The following ZDBF2 variants were observed in gnomAD, a reference collection of about 807,000 sequenced individuals.
ZDBF2 encodes DBF4-type zinc finger-containing protein 2.
A neutral mutation model predicts 9.4 loss-of-function variants in ZDBF2; 6 were observed. The observed-to-expected ratio is 0.64, with a 90% CI of 0.35 to 1.27. The LOEUF (loss-of-function observed/expected upper bound fraction) is 1.27, where lower values mean the gene tolerates loss of function less well. ZDBF2 is among the 50% of genes most tolerant of loss of function. ZDBF2 has a pLI of 0.03. For synonymous variants in ZDBF2, 905 were observed against 946.3 expected, an observed-to-expected ratio of 0.96 and a Z score of 0.80; for missense variants, 2,697 against 2,766.8, an observed-to-expected ratio of 0.97 and a Z score of 0.57.
rs1693230914 is a variant in ZDBF2 at position 206,312,272 on chromosome 2, A to G, written c.*679A>G. 6.6e-6 allele frequency: 1 copy of G among 152,056 alleles called. No homozygotes were observed. The highest frequency in any genetic ancestry group is 6.6e-5 in the Admixed American group (1 of 15,256). 9.4% of individuals were successfully genotyped at this position (152,056 alleles called of 1,614,324 possible). On this transcript the variant is annotated 3_prime_UTR_variant, in exon 5 of 5. Transcript: ENST00000374423. ...AATAATTTTGCCCATGTGTTTAGGC[A>G]TTCCCCCCCTTTTTTTTAACCACCT...
At position 206,313,166 on chromosome 2, in the gene ZDBF2, A is replaced by G. The variant is rs1386142270; in HGVS notation, c.*1573A>G. Reference sequence around the variant, plus strand: ...GAACCATATCTTGATTTCAGAATTTAAAATGTGTTACCTTAGAAATAATGA... The same window carrying G: ...GAACCATATCTTGATTTCAGAATTTGAAATGTGTTACCTTAGAAATAATGA... On this transcript the variant is annotated 3_prime_UTR_variant, in exon 5 of 5. Coordinates refer to ENST00000374423, the MANE Select transcript of ZDBF2 (RefSeq NM_020923.3). 1 of 152,214 alleles carries G rather than the reference A, an allele frequency of 6.6e-6. No homozygotes were observed. The highest frequency in any genetic ancestry group is 1.5e-5 in the Non-Finnish European group (1 of 68,028). 9.4% of individuals were successfully genotyped at this position (152,214 alleles called of 1,614,324 possible). A position where few individuals can be genotyped will look rare whatever the true frequency, so the allele number is the denominator to read the frequency against.
At chr2:206,288,364 G>T (rs1166438538) in intron 3 of ZDBF2, among the ~76,000 whole-genome samples, 4 of 152,196 alleles carry the variant, frequency 2.6e-5, no homozygotes, top group African/African-American at 4.8e-5. Context: ...GCACTTCAGT[G>T]GCCTACACTG....
In ZDBF2 at chr2:206,307,957, A is replaced by G; in HGVS notation, c.3429A>G (p.Glu1143=). ...VAIKHVNLGN[E]NHMYLEVKNS... ...TTAAACATGTGAACCTTGGGAATGA[A>G]AACCATATGTACTTGGAAGTTAAGA... The change falls in exon 5 of 5, where the codon GAA becomes GAG. Residue 1143 remains glutamate, a synonymous_variant. Coordinates refer to ENST00000374423, the MANE Select transcript of ZDBF2 (RefSeq NM_020923.3). The G allele has an allele frequency of 1.9e-6, 3 of 1,613,756 alleles. No individual in the cohort carries two copies. Among genetic ancestry groups the G allele is most frequent in the Non-Finnish European group, 2.5e-6 (3 of 1,179,798 alleles).
At chr2:206,290,367 C>T (rs1396287535) in intron 3 of ZDBF2, among the ~76,000 whole-genome samples, 1 of 152,122 alleles carries the variant, frequency 6.6e-6, no homozygotes, top group Non-Finnish European at 1.5e-5. Context: ...ATTTAAAGAT[C>T]ACTTTGTTAG....
Position 206,311,138 on chromosome 2 carries a change from C to G in ZDBF2, c.6610C>G (p.Pro2204Ala). ...VYKPIILQQK[P>A]RKASEKQSIW... is the part of the protein sequence containing the mutation. Reference sequence around the variant, plus strand: ...TAAACCAATTATTCTCCAGCAAAAACCCAGAAAAGCTTCAGAGAAACAGTC... The same window carrying G: ...TAAACCAATTATTCTCCAGCAAAAAGCCAGAAAAGCTTCAGAGAAACAGTC... Residue 2204 changes from proline (P) to alanine (A), a missense_variant, in exon 5 of 5, where the codon CCC (proline) becomes GCC (alanine). Around this residue, in one of 3 missense-constraint regions of ZDBF2, gnomAD observed 1,783 missense variants for 1,776.5 expected, o/e 1.00. Coordinates refer to ENST00000374423, the MANE Select transcript of ZDBF2 (RefSeq NM_020923.3). 6.2e-7 allele frequency: 1 copy of G among 1,613,650 alleles called. No individual in the cohort carries two copies. Among genetic ancestry groups the G allele is most frequent in the East Asian group, 2.2e-5 (1 of 44,890 alleles).
At position 206,278,399 on chromosome 2, in the gene ZDBF2, G is replaced by A. The variant is rs73983007; in HGVS notation, c.-102-1141G>A. 4.3e-3 allele frequency among the ~76,000 whole-genome samples: 656 copies of A among 152,206 alleles called. 6 individuals carry two copies. The highest frequency in any genetic ancestry group is 0.014 in the African/African-American group (601 of 41,536). ...AGTAGTTAATAGTTATATCCCTTAC[G>A]CTTTGAAAAGCTCCTTTGAGTAGGA... On this transcript the variant is annotated intron_variant, in intron 1 of 4. Coordinates refer to ENST00000374423, the MANE Select transcript of ZDBF2 (RefSeq NM_020923.3).
At position 206,305,887 on chromosome 2, in the gene ZDBF2, T is replaced by G. The variant is rs773703835; in HGVS notation, c.1359T>G (p.Asp453Glu). The G allele has an allele frequency of 1.2e-6, 2 of 1,613,354 alleles. No individual in the cohort carries two copies. Among genetic ancestry groups the G allele is most frequent in the South Asian group, 2.2e-5 (2 of 91,004 alleles). The change falls in exon 5 of 5, where the codon GAT becomes GAG. Residue 453 changes from aspartate to glutamate, a missense_variant. By Grantham distance (45) the Asp-to-Glu change is conservative. Coordinates refer to ENST00000374423, the MANE Select transcript of ZDBF2 (RefSeq NM_020923.3). The stretch of plus-strand genomic sequence containing the variant: ...CTTATGTTTCTAAAATAAGTTCTGA[T>G]TGTGATGACATTCTTCACTTGGTTA... ...NKSYVSKISS[D>E]CDDILHLVTN...
chr2:206,304,808 G>C lies in ZDBF2; in HGVS notation c.280G>C (p.Glu94Gln), dbSNP rs777572023. Residue 94 changes from glutamate to glutamine, a missense_variant, in exon 5 of 5, where the codon GAG (glutamate) becomes CAG (glutamine). Physicochemically the swap from Glu to Gln is conservative, Grantham distance 29. Around this residue, in one of 3 missense-constraint regions of ZDBF2, gnomAD observed 910 missense variants for 973.6 expected, o/e 0.93. Coordinates refer to ENST00000374423, the MANE Select transcript of ZDBF2 (RefSeq NM_020923.3). The stretch of plus-strand genomic sequence containing the variant: ...TTTTTCTGAAGAAGAGGAAGAGGAT[G>C]AGGATAAGGTTGAGGATGAGGATGC... ...DAFSEEEEED[E>Q]DKVEDEDATE... is the part of the protein sequence containing the mutation. 7 of 1,613,754 alleles carry C rather than the reference G, an allele frequency of 4.3e-6. No individual in the cohort carries two copies. The highest frequency in any genetic ancestry group is 5.9e-6 in the Non-Finnish European group (7 of 1,179,776).
Position 206,274,792 on chromosome 2 carries a change from T to G in ZDBF2, c.-257T>G, listed in dbSNP as rs1324575645. 6.6e-6 allele frequency: 1 copy of G among 152,064 alleles called. No individual in the cohort carries two copies. Among genetic ancestry groups the G allele is most frequent in the Non-Finnish European group, 1.5e-5 (1 of 68,000 alleles). The allele number at this position is 152,064 out of a possible 1,614,324, so 9.4% of individuals were successfully genotyped here. A position where few individuals can be genotyped will look rare whatever the true frequency, so the allele number is the denominator to read the frequency against. On this transcript the variant is annotated 5_prime_UTR_variant, in exon 1 of 5. Transcript: ENST00000374423. ...CGCCTCCGGACCGCAGGGGCCGAAGTCGCCTATTTCTGGCTCCGCGGGCAG... is the reference window on the plus strand; with the variant it reads ...CGCCTCCGGACCGCAGGGGCCGAAGGCGCCTATTTCTGGCTCCGCGGGCAG...
At chr2:206,280,546 G>A (rs78326248) in intron 2 of ZDBF2, among the ~76,000 whole-genome samples, 1 of 152,298 alleles carries the variant, frequency 6.6e-6, no homozygotes, top group East Asian at 1.9e-4. Context: ...TTTTATTGCT[G>A]TAGGTTAATA....
Position 206,307,928 on chromosome 2 carries a change from G to A in ZDBF2, c.3400G>A (p.Ala1134Thr). 1 of 1,613,682 alleles carries A rather than the reference G, an allele frequency of 6.2e-7. No individual in the cohort carries two copies. The change falls in exon 5 of 5, where the codon GCT (alanine) becomes ACT (threonine). Residue 1134 changes from alanine to threonine, a missense_variant. Physicochemically the swap from Ala to Thr is moderately conservative, Grantham distance 58. Transcript: ENST00000374423. ...VQSVADQPKVAIKHVNLGNEN... is the reference protein window; with the variant it reads ...VQSVADQPKVTIKHVNLGNEN... ...ATCTGTGGCTGATCAACCCAAAGTA[G>A]CTATTAAACATGTGAACCTTGGGAA...
At chr2:206,289,226 G>A (rs1476821687) in intron 3 of ZDBF2, among the ~76,000 whole-genome samples, 1 of 152,112 alleles carries the variant, frequency 6.6e-6, no homozygotes, top group Non-Finnish European at 1.5e-5. Flanking sequence ...GGGCGGGGTT[G>A]GGGGACAGTG....
rs910331709 is a variant in ZDBF2, at chr2:206,310,932, T to C, written c.6404T>C (p.Leu2135Pro). Residue 2135 changes from leucine to proline, a missense_variant, in exon 5 of 5, where the codon CTG becomes CCG. Leu to Pro is a moderately conservative substitution (Grantham distance 98, BLOSUM62 -3). Transcript: ENST00000374423. Reference sequence around the variant, plus strand: ...CTGTTTCTGGAAGAATCAAAGGTTCTGCATGCTCGTGAGCTTCCAAAGAAA... The same window carrying C: ...CTGTTTCTGGAAGAATCAAAGGTTCCGCATGCTCGTGAGCTTCCAAAGAAA... ...SSLFLEESKV[L>P]HARELPKKRN... is the part of the protein sequence containing the mutation. The C allele has an allele frequency of 8.1e-6, 13 of 1,613,964 alleles. 1 individual carries two copies. In the South Asian group the frequency reaches 1.4e-4, roughly 18 times the overall value.
Position 206,310,194 on chromosome 2 carries a change from C to T in ZDBF2, c.5666C>T (p.Pro1889Leu). 1 of 1,613,924 alleles carries T rather than the reference C, an allele frequency of 6.2e-7. No homozygotes were observed. Among genetic ancestry groups the T allele is most frequent in the South Asian group, 1.1e-5 (1 of 91,074 alleles). Residue 1889 changes from proline to leucine, a missense_variant, in exon 5 of 5, where the codon CCA becomes CTA. Transcript: ENST00000374423. The part of the protein sequence containing the change: ...ADLQGKEDTA[P>L]TQAVSESDDI... ...TTGCAAGGTAAGGAGGACACTGCAC[C>T]AACTCAAGCTGTGTCAGAGAGTGAT...
intron 2 of ZDBF2, among the ~76,000 whole-genome samples, chr2:206,281,501 C>T (rs1170120114): frequency 2.0e-5 from 3 of 152,228 alleles, no homozygotes; most frequent in East Asian, 3.9e-4. Flanking sequence ...AATTGGTCTT[C>T]GCAAATTGAA....
At chr2:206,299,747 C>A (rs76079572) in intron 4 of ZDBF2, among the ~76,000 whole-genome samples, 19 of 152,156 alleles carry the variant, frequency 1.2e-4, no homozygotes, top group Admixed American at 1.0e-3. Flanking sequence ...TGACCTCCCC[C>A]CCGCCCGTGA....
At chr2:206,296,240 T>C (rs1329631498) in intron 3 of ZDBF2, among the ~76,000 whole-genome samples, 1 of 152,104 alleles carries the variant, frequency 6.6e-6, no homozygotes, top group Non-Finnish European at 1.5e-5. Context: ...AATGGGCAAA[T>C]AAATTGCATG....
intron 3 of ZDBF2, among the ~76,000 whole-genome samples, chr2:206,288,080 G>A (rs1358658318): frequency 6.6e-6 from 1 of 152,048 alleles, no homozygotes. Flanking sequence ...TTATTTTTAT[G>A]AGGAAGTTAT....
rs1693160734 is a variant in ZDBF2, at chr2:206,311,170, G to T, written c.6642G>T (p.Trp2214Cys). Residue 2214 changes from tryptophan to cysteine, a missense_variant, in exon 5 of 5, where the codon TGG becomes TGT. Transcript: ENST00000374423. ...PRKASEKQSIWIRTKPSDIIR... is the reference protein window; with the variant it reads ...PRKASEKQSICIRTKPSDIIR... The stretch of plus-strand genomic sequence containing the variant: ...AAGCTTCAGAGAAACAGTCAATTTG[G>T]ATTCGGACCAAACCAAGTGATATCA... The T allele has an allele frequency of 6.2e-7, 1 of 1,612,776 alleles. No individual in the cohort carries two copies.
Sources: allele counts gnomAD v4.1 joint callset (sites outside exome capture counted in the v4.1 genomes callset), GRCh38; gene constraint gnomAD v4.1.1; regional missense constraint gnomAD v4.1.1; transcripts MANE v1.5; gene names NCBI Gene and HGNC (gene_info 2026-07-23, HGNC 2026-07-21).